Variants in ANTXR2 observed in about 807,000 individuals in gnomAD.
ANTXR2 encodes anthrax toxin receptor 2.
A neutral mutation model predicts 73.7 loss-of-function variants in ANTXR2; 44 were observed. That is an observed-to-expected ratio of 0.60 (90% CI 0.47 to 0.77). ANTXR2 has a LOEUF of 0.77. Among genes scored for constraint, ANTXR2 ranks in the 30% least tolerant of loss-of-function variants. The pLI is 0.00. For missense variants in ANTXR2, 604 were observed against 592.5 expected, an observed-to-expected ratio of 1.02 and a Z score of -0.20; for synonymous variants, 217 against 205.9, an observed-to-expected ratio of 1.05 and a Z score of -0.46.
At chr4:79,956,328 A>G (rs1728883790) in intron 16 of ANTXR2, among the ~76,000 whole-genome samples, 1 of 152,286 alleles carries the variant, frequency 6.6e-6, no homozygotes, top group African/African-American at 2.4e-5. Flanking sequence ...CTGAAATTCA[A>G]AAGTGCTTCC....
chr4:80,062,514 A>C (rs548527376), intron 3 of ANTXR2, among the ~76,000 whole-genome samples: 1 of 152,316 alleles, frequency 6.6e-6, no homozygotes, highest in African/African-American at 2.4e-5. Context: ...CATGTCCATC[A>C]CTAAAATCTG....
intron 16 of ANTXR2, among the ~76,000 whole-genome samples, chr4:79,973,381 AAAG>A (rs1260929899): frequency 6.8e-6 from 1 of 147,886 alleles, no homozygotes; most frequent in African/African-American, 2.5e-5. Flanking sequence ...TTTATGAAAT[AAAG>A]AAGACCTGGT....
chr4:79,978,527 G>A (rs181321467), intron 14 of ANTXR2, among the ~76,000 whole-genome samples: 69 of 152,292 alleles, frequency 4.5e-4, no homozygotes, highest in African/African-American at 1.5e-3. Flanking sequence ...TCCCCTGCTA[G>A]CTAAACACAT....
chr4:80,056,512 CGTAA>C (rs1309437203), intron 3 of ANTXR2, among the ~76,000 whole-genome samples: 2 of 151,844 alleles, frequency 1.3e-5, no homozygotes, highest in African/African-American at 4.8e-5. Flanking sequence ...CTCCCAGAGT[CGTAA>C]GTCTCATGAT....
chr4:80,035,486 G>C (rs1481271744), intron 8 of ANTXR2, among the ~76,000 whole-genome samples: 1 of 152,132 alleles, frequency 6.6e-6, no homozygotes, highest in Non-Finnish European at 1.5e-5. Flanking sequence ...GGATGGCTGG[G>C]AGGTGTGAAA....
At chr4:80,014,084 T>C (rs1446729198) in intron 11 of ANTXR2, among the ~76,000 whole-genome samples, 1 of 152,140 alleles carries the variant, frequency 6.6e-6, no homozygotes, top group African/African-American at 2.4e-5. Flanking sequence ...AATTCTATCT[T>C]CCTTTGTCTT....
chr4:79,961,276 C>T (rs59527750), intron 16 of ANTXR2, among the ~76,000 whole-genome samples: 13,865 of 151,602 alleles, frequency 0.091, 737 homozygotes, highest in Middle Eastern at 0.23. Flanking sequence ...ATAAAGTAAC[C>T]AAAAAATGGA....
At chr4:80,014,859 G>A (rs1731766923) in intron 11 of ANTXR2, among the ~76,000 whole-genome samples, 1 of 152,034 alleles carries the variant, frequency 6.6e-6, no homozygotes, top group African/African-American at 2.4e-5. Context: ...TTTCCTTTAG[G>A]TAAGGTCAAT....
At chr4:80,046,827 C>T (rs912014935) in intron 7 of ANTXR2, among the ~76,000 whole-genome samples, 1 of 151,664 alleles carries the variant, frequency 6.6e-6, no homozygotes, top group African/African-American at 2.4e-5. Context: ...GAACACAGCC[C>T]AGTACCCAAC....
intron 12 of ANTXR2, among the ~76,000 whole-genome samples, chr4:79,993,590 C>T (rs1730575029): frequency 6.6e-6 from 1 of 151,942 alleles, no homozygotes; most frequent in Non-Finnish European, 1.5e-5. Flanking sequence ...GTTTGAATTA[C>T]TGCAATCAAG....
At chr4:80,056,341 C>T (rs1189939311) in intron 3 of ANTXR2, among the ~76,000 whole-genome samples, 2 of 151,794 alleles carry the variant, frequency 1.3e-5, no homozygotes, top group Non-Finnish European at 2.9e-5. Flanking sequence ...TTCCCTTATC[C>T]ACAAAAATAC....
At chr4:80,067,021 C>T (rs1317028994) in intron 3 of ANTXR2, among the ~76,000 whole-genome samples, 1 of 151,968 alleles carries the variant, frequency 6.6e-6, no homozygotes. Flanking sequence ...CCGGCTAACA[C>T]GGTGAAACCC....
chr4:80,054,417 G>A (rs767770792), intron 6 of ANTXR2, 65 bp from the exon 7 acceptor site: 72 of 1,175,340 alleles, frequency 6.1e-5, no homozygotes, highest in South Asian at 4.8e-4. Flanking sequence ...TATAAACTTC[G>A]TTACATTTCA....
At chr4:80,015,271 C>T (rs1306241157) in intron 11 of ANTXR2, among the ~76,000 whole-genome samples, 6 of 152,166 alleles carry the variant, frequency 3.9e-5, no homozygotes, top group African/African-American at 1.4e-4. Context: ...TTTCCAATGG[C>T]AGCATCATTC....
chr4:79,958,214 C>G (rs924636735), intron 16 of ANTXR2, among the ~76,000 whole-genome samples: 4 of 151,946 alleles, frequency 2.6e-5, no homozygotes, highest in African/African-American at 9.7e-5. Context: ...GTTGCTATAC[C>G]TAGGGATTTT....
intron 12 of ANTXR2, among the ~76,000 whole-genome samples, chr4:80,001,888 T>A (rs1731059211): frequency 6.6e-6 from 1 of 151,534 alleles, no homozygotes; most frequent in Non-Finnish European, 1.5e-5. Context: ...CTTTTTTTGT[T>A]TTCCATTTGC....
chr4:79,980,799 A>G (rs1729853919), intron 14 of ANTXR2, among the ~76,000 whole-genome samples: 1 of 152,108 alleles, frequency 6.6e-6, no homozygotes, highest in Admixed American at 6.5e-5. Context: ...AAGGAAGAAA[A>G]AAATTCTAGG....
At chr4:79,936,570 T>A (rs1056363562) in intron 16 of ANTXR2, among the ~76,000 whole-genome samples, 2 of 152,016 alleles carry the variant, frequency 1.3e-5, no homozygotes, top group Non-Finnish European at 2.9e-5. Context: ...TAGGTATAAT[T>A]CCTGATGGGA....
rs572078657 is a variant in ANTXR2 at position 80,025,716 on chromosome 4, C to T, written c.866+5907G>A. Among the ~76,000 whole-genome samples, 7 of 152,228 alleles carry T rather than the reference C, an allele frequency of 4.6e-5. No individual in the cohort carries two copies. The South Asian group carries it at 1.5e-3, about 32-fold the overall frequency. On this transcript the variant is annotated intron_variant, in intron 10 of 16. Transcript: ENST00000403729. ...CATATTCATGAATAGTTTAAAGGTA[C>T]CACTTCTAGTAATTAGTTTATATGT...
Sources: allele counts gnomAD v4.1 joint callset (sites outside exome capture counted in the v4.1 genomes callset), GRCh38; gene constraint gnomAD v4.1.1; transcripts MANE v1.5; gene names NCBI Gene and HGNC (gene_info 2026-07-23, HGNC 2026-07-21).